The following ARRB1 variants were observed in gnomAD, a reference collection of about 807,000 sequenced individuals.
The protein encoded by ARRB1 is arrestin beta 1.
In ARRB1, 21 loss-of-function variants were observed where a neutral mutation model predicts 56.8. The ratio of observed to expected loss-of-function variants is 0.37; its 90% CI spans 0.26 to 0.53. The LOEUF is 0.53. Ranked by LOEUF, ARRB1 falls within the 20% of genes least tolerant of loss-of-function variation. The pLI is 0.88. For missense variants in ARRB1, 424 were observed against 553.7 expected, an observed-to-expected ratio of 0.77 and a Z score of 2.35; for synonymous variants, 210 against 218.6, an observed-to-expected ratio of 0.96 and a Z score of 0.35.
At chr11:75,327,340 T>C (rs1269719166) in intron 1 of ARRB1, among the ~76,000 whole-genome samples, 1 of 138,696 alleles carries the variant, frequency 7.2e-6, no homozygotes, top group African/African-American at 2.7e-5. Flanking sequence ...TTGTATAAAA[T>C]GTATTTTTTT....
rs1214476324 is a variant in ARRB1, at chr11:75,332,387, C to A, written c.20+19201G>T. Among the ~76,000 whole-genome samples the A allele has an allele frequency of 3.3e-5, 5 of 152,186 alleles. No homozygotes were observed. The East Asian group carries it at 9.6e-4, about 29-fold the overall frequency. On this transcript the variant is annotated intron_variant, in intron 1 of 15. Transcript: ENST00000420843. ...CATAGCTAGATCTTTTTCTTCGAGGCCCTCCCAATCCTGATGAGAATGACT... is the reference window on the plus strand; with the variant it reads ...CATAGCTAGATCTTTTTCTTCGAGGACCTCCCAATCCTGATGAGAATGACT...
intron 1 of ARRB1, among the ~76,000 whole-genome samples, chr11:75,324,536 A>C (rs1291123146): frequency 6.6e-6 from 1 of 152,158 alleles, no homozygotes; most frequent in African/African-American, 2.4e-5. Context: ...AGGGCTGAAT[A>C]AATGAACATC....
At chr11:75,300,202 C>CAAAAAAAAAAAAAAAA (rs10557397) in intron 1 of ARRB1, among the ~76,000 whole-genome samples, 4 of 87,288 alleles carry the variant, frequency 4.6e-5, no homozygotes, top group East Asian at 3.1e-4. Context: ...GACTCTGTCT[C>CAAAAAAAAAAAAAAAA]AAAAAAAAAA....
chr11:75,327,427 A>G (rs890955311), intron 1 of ARRB1, among the ~76,000 whole-genome samples: 5 of 151,928 alleles, frequency 3.3e-5, no homozygotes, highest in Non-Finnish European at 7.4e-5. Flanking sequence ...TCAGCCTTCC[A>G]AAGTGCTGGG....
At chr11:75,267,163 G>T (rs1023661161) in intron 15 of ARRB1, among the ~76,000 whole-genome samples, 1 of 152,222 alleles carries the variant, frequency 6.6e-6, no homozygotes, top group Non-Finnish European at 1.5e-5. Flanking sequence ...GGCGGTCCGC[G>T]CAGTCGGCCC....
intron 1 of ARRB1, among the ~76,000 whole-genome samples, chr11:75,313,311 A>G (rs1023135729): frequency 1.3e-5 from 2 of 152,348 alleles, no homozygotes; most frequent in Admixed American, 1.3e-4. Flanking sequence ...AGATTGAGCC[A>G]CTTCACTCCA....
At chr11:75,300,833 T>A (rs1207677403) in intron 1 of ARRB1, among the ~76,000 whole-genome samples, 1 of 150,830 alleles carries the variant, frequency 6.6e-6, no homozygotes, top group Non-Finnish European at 1.5e-5. Flanking sequence ...CCGGGCGTGG[T>A]GGCGGGCGCC....
At chr11:75,306,628 C>T (rs1947038047) in intron 1 of ARRB1, 1 of 1,288,936 alleles carries the variant, frequency 7.8e-7, no homozygotes, top group African/African-American at 1.5e-5. Flanking sequence ...AAGCAGTGGA[C>T]TGTGAGGTGG....
chr11:75,347,623 C>T (rs981605768), intron 1 of ARRB1, among the ~76,000 whole-genome samples: 2 of 152,168 alleles, frequency 1.3e-5, no homozygotes, highest in Admixed American at 6.6e-5. Flanking sequence ...TGGGCAAAAG[C>T]GTCGAGTAGC....
At chr11:75,342,173 G>A (rs1302066919) in intron 1 of ARRB1, among the ~76,000 whole-genome samples, 1 of 152,174 alleles carries the variant, frequency 6.6e-6, no homozygotes, top group Non-Finnish European at 1.5e-5. Context: ...CCACTTGGGT[G>A]CTCTCCTCAG....
At chr11:75,276,202 T>C (rs1353889425) in intron 10 of ARRB1, among the ~76,000 whole-genome samples, 3 of 61,344 alleles carry the variant, frequency 4.9e-5, no homozygotes, top group Non-Finnish European at 7.6e-5. Flanking sequence ...AAGAAATTAC[T>C]TGCAGGGCCA....
At chr11:75,334,058 G>A (rs917400962) in intron 1 of ARRB1, among the ~76,000 whole-genome samples, 3 of 152,146 alleles carry the variant, frequency 2.0e-5, no homozygotes, top group Non-Finnish European at 4.4e-5. Context: ...CAGGCCGGGC[G>A]CGGTGGCTCA....
intron 1 of ARRB1, 111 bp from the exon 2 acceptor site, chr11:75,290,150 G>T: frequency 7.6e-7 from 1 of 1,307,782 alleles, no homozygotes. Flanking sequence ...TGACTGACAG[G>T]CACCATGCAG....
intron 8 of ARRB1, among the ~76,000 whole-genome samples, chr11:75,277,683 C>T (rs1286936240): frequency 2.6e-5 from 4 of 152,140 alleles, no homozygotes; most frequent in East Asian, 1.9e-4. Flanking sequence ...GTGACATTTG[C>T]CCCAAGTTCA....
chr11:75,286,080 C>T (rs914236699), intron 3 of ARRB1, among the ~76,000 whole-genome samples: 1 of 152,028 alleles, frequency 6.6e-6, no homozygotes, highest in Non-Finnish European at 1.5e-5. Context: ...TGCTGACAGC[C>T]CCCTGGCCCT....
chr11:75,327,079 C>A (rs1947446832), intron 1 of ARRB1, among the ~76,000 whole-genome samples: 1 of 151,990 alleles, frequency 6.6e-6, no homozygotes, highest in Middle Eastern at 3.4e-3. Flanking sequence ...CTTTGGGAGG[C>A]CGAGGCGGGC....
chr11:75,271,888 G>T (rs1346120418), intron 12 of ARRB1, among the ~76,000 whole-genome samples, 164 bp from the exon 13 acceptor site: 1 of 152,104 alleles, frequency 6.6e-6, no homozygotes, highest in Non-Finnish European at 1.5e-5. Context: ...CTCTTTCAGG[G>T]ATACACCGAA....
chr11:75,314,795 T>C (rs551350931), intron 1 of ARRB1, among the ~76,000 whole-genome samples: 356 of 151,540 alleles, frequency 2.3e-3, no homozygotes, highest in Non-Finnish European at 2.0e-3. Flanking sequence ...TTTGTAGCGA[T>C]GGGGTTTCAC....
chr11:75,335,165 TC>T, intron 1 of ARRB1: 2 of 250,066 alleles, frequency 8.0e-6, no homozygotes, highest in Admixed American at 4.3e-5. Context: ...AGGCCCTGCC[TC>T]CAGCCCAACA....
Sources: gnomAD v4.1 joint callset for allele counts (sites outside exome capture counted in the v4.1 genomes callset) on GRCh38, gnomAD v4.1.1 for gene constraint, MANE v1.5 for transcripts, NCBI Gene and HGNC (gene_info 2026-07-23, HGNC 2026-07-21) for gene names.